NEK7: variants seen among roughly 807,000 people sequenced by gnomAD.
NEK7 encodes the protein serine/threonine-protein kinase Nek7.
A neutral mutation model predicts 44.6 loss-of-function variants in NEK7; 18 were observed. That is an observed-to-expected ratio of 0.40 (90% CI 0.28 to 0.60). The LOEUF (loss-of-function observed/expected upper bound fraction) is 0.60, where lower values mean the gene tolerates loss of function less well. NEK7 is among the 20% of genes least tolerant of loss of function. NEK7 has a pLI of 0.38. For synonymous variants in NEK7, 130 were observed against 121.1 expected, an observed-to-expected ratio of 1.07 and a Z score of -0.48; for missense variants, 256 against 366.5, an observed-to-expected ratio of 0.70 and a Z score of 2.46.
chr1:198,175,857 G>A (rs1031752854), intron 1 of NEK7, among the ~76,000 whole-genome samples: 2 of 152,156 alleles, frequency 1.3e-5, no homozygotes, highest in African/African-American at 2.4e-5. Flanking sequence ...TTGCATTTGT[G>A]TGCTGCTTAA....
At chr1:198,294,224 A>AT (rs1654645803) in intron 8 of NEK7, among the ~76,000 whole-genome samples, 1 of 151,930 alleles carries the variant, frequency 6.6e-6, no homozygotes, top group African/African-American at 2.4e-5. Context: ...ACTTTGGATA[A>AT]TTTTTGTTAT....
At chr1:198,200,186 T>C (rs191688411) in intron 1 of NEK7, among the ~76,000 whole-genome samples, 1 of 152,332 alleles carries the variant, frequency 6.6e-6, no homozygotes, top group East Asian at 1.9e-4. Context: ...TTTATAGATT[T>C]CAGATTTCTG....
chr1:198,297,360 CTTTTTAATTCTGTT>C (rs892907807), intron 9 of NEK7, 120 bp downstream of exon 9: 2 of 1,207,490 alleles, frequency 1.7e-6, no homozygotes, highest in African/African-American at 3.1e-5. Flanking sequence ...AGAACTAGCA[CTTTTTAATTCTGTT>C]TTCATTCTCT....
intron 1 of NEK7, among the ~76,000 whole-genome samples, chr1:198,170,653 A>T (rs1031141999): frequency 7.2e-5 from 11 of 152,184 alleles, no homozygotes; most frequent in African/African-American, 2.7e-4. Flanking sequence ...AAATAACTGG[A>T]CGAATACTTG....
At chr1:198,269,461 G>A (rs1653768378) in intron 5 of NEK7, among the ~76,000 whole-genome samples, 1 of 151,560 alleles carries the variant, frequency 6.6e-6, no homozygotes, top group Non-Finnish European at 1.5e-5. Context: ...ATTATATCAG[G>A]AAAAAAAATC....
chr1:198,218,573 G>A (rs1251068154), intron 1 of NEK7, among the ~76,000 whole-genome samples: 1 of 151,340 alleles, frequency 6.6e-6, no homozygotes, highest in African/African-American at 2.4e-5. Context: ...AAATAAATGG[G>A]ACCAAATTAA....
At chr1:198,167,115 C>T (rs1664290428) in intron 1 of NEK7, among the ~76,000 whole-genome samples, 1 of 152,198 alleles carries the variant, frequency 6.6e-6, no homozygotes, top group Non-Finnish European at 1.5e-5. Flanking sequence ...ATGCCTTTCT[C>T]TTAGCTTCTG....
At chr1:198,285,446 A>G (rs1654338081) in intron 7 of NEK7, among the ~76,000 whole-genome samples, 1 of 152,176 alleles carries the variant, frequency 6.6e-6, no homozygotes, top group African/African-American at 2.4e-5. Flanking sequence ...ACCCACAGTG[A>G]GTTGTAGACG....
chr1:198,238,350 G>A (rs900044269), intron 2 of NEK7, among the ~76,000 whole-genome samples: 1 of 152,164 alleles, frequency 6.6e-6, no homozygotes, highest in Non-Finnish European at 1.5e-5. Flanking sequence ...AGAGGGGCAA[G>A]GGGCGGGGTG....
At chr1:198,180,036 G>A (rs902002988) in intron 1 of NEK7, among the ~76,000 whole-genome samples, 3 of 152,120 alleles carry the variant, frequency 2.0e-5, no homozygotes, top group Non-Finnish European at 2.9e-5. Context: ...GAAGATATCT[G>A]TGGAAACTTT....
chr1:198,279,913 TAAG>T (rs1654142563), intron 7 of NEK7, among the ~76,000 whole-genome samples: 2 of 151,988 alleles, frequency 1.3e-5, no homozygotes, highest in Non-Finnish European at 2.9e-5. Flanking sequence ...ACCTAAAACG[TAAG>T]TAGGTACTCA....
chr1:198,316,314 T>C lies in NEK7; in HGVS notation c.799-3098T>C, dbSNP rs536598943. ...GTGTCCTTGGAAGACAGAGACTAAA[T>C]TGGTATGAAGGTGAAGATTACAGTC... On this transcript the variant is annotated intron_variant, in intron 9 of 9. Transcript: ENST00000367385. Among the ~76,000 whole-genome samples, 9 of 152,200 alleles carry C rather than the reference T, an allele frequency of 5.9e-5. No individual in the cohort carries two copies. In the East Asian group the frequency reaches 1.7e-3, roughly 29 times the overall value.
chr1:198,195,141 T>C (rs1414342903), intron 1 of NEK7, among the ~76,000 whole-genome samples: 1 of 152,206 alleles, frequency 6.6e-6, no homozygotes, highest in Admixed American at 6.5e-5. Context: ...GGGAAGCTTT[T>C]CTGGCTTGTC....
rs145553219 is a variant in NEK7, at chr1:198,232,636, A to G, written c.56A>G (p.Gln19Arg). The G allele has an allele frequency of 4.4e-6, 7 of 1,575,898 alleles. No individual in the cohort carries two copies. In the African/African-American group the frequency reaches 6.7e-5, roughly 15 times the overall value. Reference protein sequence around the residue: ...QGPPVPQFQPQKALRPDMGYN... With the variant: ...QGPPVPQFQPRKALRPDMGYN... ...CCACCTGTTCCTCAGTTCCAACCAC[A>G]GGTAATTTATCCTAATTAAGATGGG... Residue 19 changes from glutamine (Q) to arginine (R), a missense_variant and splice_region_variant, in exon 2 of 10, where the codon CAG becomes CGG. Gln to Arg is a conservative substitution (Grantham distance 43, BLOSUM62 1). Transcript: ENST00000367385.
At chr1:198,165,204 ACTT>A (rs1031946532) in intron 1 of NEK7, among the ~76,000 whole-genome samples, 3 of 152,144 alleles carry the variant, frequency 2.0e-5, no homozygotes, top group African/African-American at 7.2e-5. Context: ...GTTGGAATCA[ACTT>A]CTTCCAAACT....
At chr1:198,250,606 A>T (rs543160235) in intron 2 of NEK7, among the ~76,000 whole-genome samples, 1 of 137,924 alleles carries the variant, frequency 7.3e-6, no homozygotes, top group Non-Finnish European at 1.6e-5. Flanking sequence ...ATCCCTTGTA[A>T]GTTGGATTCC....
intron 7 of NEK7, among the ~76,000 whole-genome samples, chr1:198,287,003 A>G (rs1288492092): frequency 6.6e-6 from 1 of 152,160 alleles, no homozygotes; most frequent in Non-Finnish European, 1.5e-5. Context: ...ATGGCTGCAA[A>G]GTCTCTTGCC....
intron 2 of NEK7, among the ~76,000 whole-genome samples, chr1:198,249,433 A>C (rs990372709): frequency 5.3e-5 from 8 of 151,634 alleles, no homozygotes; most frequent in African/African-American, 1.9e-4. Flanking sequence ...GTCAAATGGT[A>C]TTTCTAGTTC....
chr1:198,295,244 C>T (rs1654677975), intron 8 of NEK7, among the ~76,000 whole-genome samples: 1 of 152,070 alleles, frequency 6.6e-6, no homozygotes, highest in African/African-American at 2.4e-5. Flanking sequence ...GCAATTGCAT[C>T]CTTACAGGGT....
Sources: gnomAD v4.1 joint callset for allele counts (sites outside exome capture counted in the v4.1 genomes callset) on GRCh38, gnomAD v4.1.1 for gene constraint, MANE v1.5 for transcripts, NCBI Gene and HGNC (gene_info 2026-07-23, HGNC 2026-07-21) for gene names.